CCNF: variants seen among roughly 807,000 people sequenced by gnomAD.
CCNF encodes the protein cyclin F, also known as cyclin-F.
CCNF carries 30 observed loss-of-function variants against 85.4 expected under a neutral mutation model. The ratio of observed to expected loss-of-function variants is 0.35; its 90% CI spans 0.26 to 0.48. CCNF has a LOEUF of 0.48. Ranked by LOEUF, CCNF falls within the 20% of genes least tolerant of loss-of-function variation. The pLI is 0.99. For missense variants in CCNF, 919 were observed against 1,010.4 expected (o/e 0.91, Z 1.23); for synonymous variants, 439 against 425.1 (o/e 1.03, Z -0.40).
At position 2,442,919 on chromosome 16, in the gene CCNF, A is replaced by G. The variant is rs1377084842; in HGVS notation, c.778-730A>G. 6.5e-5 allele frequency among the ~76,000 whole-genome samples: 4 copies of G among 61,550 alleles called. No individual in the cohort carries two copies. The Admixed American group carries it at 9.9e-4, about 15-fold the overall frequency. The allele number at this position is 61,550 out of a possible 152,430, so 40.4% of individuals were successfully genotyped here. On this transcript the variant is annotated intron_variant, in intron 8 of 16. Transcript: ENST00000397066. ...TATATTATATAATATATAAATATAT[A>G]TTAATATATATGATTATTATATATT...
Position 2,449,367 on chromosome 16 carries a change from G to C in CCNF, c.1304G>C (p.Cys435Ser). ...LRTQHLCSFLCELSLLHTSLS... is the reference protein window; with the variant it reads ...LRTQHLCSFLSELSLLHTSLS... ...ACCCAGCACCTGTGCAGCTTCCTCT[G>C]CGAGCTCTCCCTGCTGCACACCAGC... Residue 435 changes from cysteine to serine, a missense_variant, in exon 12 of 17, where the codon TGC (cysteine) becomes TCC (serine). Around this residue, in one of 3 missense-constraint regions of CCNF, gnomAD observed 505 missense variants for 514.8 expected, o/e 0.98. Coordinates refer to ENST00000397066, the MANE Select transcript of CCNF (RefSeq NM_001761.3). 3 of 1,613,440 alleles carry C rather than the reference G, an allele frequency of 1.9e-6. No homozygotes were observed. Among genetic ancestry groups the C allele is most frequent in the Non-Finnish European group, 2.5e-6 (3 of 1,179,972 alleles).
intron 2 of CCNF, among the ~76,000 whole-genome samples, chr16:2,431,980 G>A (rs562639566): frequency 2.0e-5 from 3 of 151,732 alleles, no homozygotes; most frequent in Admixed American, 6.6e-5. Flanking sequence ...ACAGGCACCC[G>A]CCACCACGCC....
intron 9 of CCNF, 107 bp from the exon 10 acceptor site, chr16:2,445,351 A>C: frequency 7.7e-7 from 1 of 1,291,020 alleles, no homozygotes; most frequent in Non-Finnish European, 1.1e-6. Context: ...CCATGATTCC[A>C]GAGCTAGCCA....
intron 12 of CCNF, 32 bp from the exon 13 acceptor site, chr16:2,449,796 C>G: frequency 1.5e-6 from 1 of 682,280 alleles, no homozygotes; most frequent in Non-Finnish European, 2.5e-6. Context: ...TCCCCTCCAT[C>G]CCCTCCACCC....
intron 8 of CCNF, 51 bp from the exon 9 acceptor site, chr16:2,443,598 A>G (rs537427531): frequency 3.1e-6 from 5 of 1,589,828 alleles, no homozygotes; most frequent in Non-Finnish European, 4.3e-6. Flanking sequence ...AGAAATGGAA[A>G]ACTGCAACAT....
rs932267317 is a variant in CCNF at position 2,445,315 on chromosome 16, T to C, written c.930-143T>C. ...CTCCCGGGCTTCCTGTGACATGGCC[T>C]CTCCAGCCTTGGTTCCAGGGTAAAC... On this transcript the variant is annotated intron_variant, in intron 9 of 16. Coordinates refer to ENST00000397066, the MANE Select transcript of CCNF (RefSeq NM_001761.3). 8 of 936,170 alleles carry C rather than the reference T, an allele frequency of 8.5e-6. No individual in the cohort carries two copies. The Admixed American group carries it at 1.3e-4, about 15-fold the overall frequency. 58.0% of individuals were successfully genotyped at this position (936,170 alleles called of 1,614,324 possible). A position where few individuals can be genotyped will look rare whatever the true frequency, so the allele number is the denominator to read the frequency against.
intron 15 of CCNF, among the ~76,000 whole-genome samples, chr16:2,454,054 C>CG (rs2065410639): frequency 6.6e-6 from 1 of 152,214 alleles, no homozygotes; most frequent in Non-Finnish European, 1.5e-5. Context: ...TTCCACAAGG[C>CG]CCCGATGAAC....
rs1596931358 is a variant in CCNF, at chr16:2,453,349, G to A, written c.1587+40G>A. ...CCACCTGGGCGTCTCATGGGGTGCT[G>A]GGGTGTGGGCGGGCCTCACCCTCGG... On this transcript the variant is annotated intron_variant, in intron 14 of 16. Transcript: ENST00000397066. This position sits in a 1 kb window ranked among gnomAD's most constrained non-coding sequence, Gnocchi z 5.6. 6.2e-7 allele frequency: 1 copy of A among 1,613,762 alleles called. No homozygotes were observed. The highest frequency in any genetic ancestry group is 2.2e-5 in the East Asian group (1 of 44,886).
At chr16:2,443,578 C>T (rs2065344297) in intron 8 of CCNF, 71 bp from the exon 9 acceptor site, 4 of 1,524,668 alleles carry the variant, frequency 2.6e-6, no homozygotes, top group South Asian at 1.2e-5. Flanking sequence ...CCTGAATGGG[C>T]CTTTGCTTCA....
At position 2,452,357 on chromosome 16, in the gene CCNF, C is replaced by T. The variant is rs2065399620; in HGVS notation, c.1488-853C>T. On this transcript the variant is annotated intron_variant, in intron 13 of 16. Coordinates refer to ENST00000397066, the MANE Select transcript of CCNF (RefSeq NM_001761.3). The surrounding 1 kb of genome is among the most constrained non-coding windows in gnomAD (Gnocchi z 4.1). ...CTCATGCTGCTTTCTCCTGCAGTGC[C>T]CGGACCCTGTGCCTTCTGGGCAAGG... 6.6e-6 allele frequency among the ~76,000 whole-genome samples: 1 copy of T among 152,166 alleles called. No homozygotes were observed. Among genetic ancestry groups the T allele is most frequent in the Non-Finnish European group, 1.5e-5 (1 of 68,030 alleles).
intron 9 of CCNF, among the ~76,000 whole-genome samples, chr16:2,444,416 C>T (rs577655516): frequency 1.3e-5 from 2 of 149,588 alleles, no homozygotes; most frequent in African/African-American, 4.9e-5. Flanking sequence ...TCTCCTGCCT[C>T]AGCCTCCTCA....
At position 2,452,944 on chromosome 16, in the gene CCNF, G is replaced by C; in HGVS notation, c.1488-266G>C. The C allele has an allele frequency of 1.9e-6, 1 of 522,856 alleles. No homozygotes were observed. The highest frequency in any genetic ancestry group is 3.4e-6 in the Non-Finnish European group (1 of 290,104). The allele number at this position is 522,856 out of a possible 1,614,324, so 32.4% of individuals were successfully genotyped here. A position where few individuals can be genotyped will look rare whatever the true frequency, so the allele number is the denominator to read the frequency against. ...GTGTTTATCCATCCCGCAGCTGGTG[G>C]ACATTTTGCCTATTGTGAACAGTCC... is the stretch of plus-strand genomic sequence containing the variant. On this transcript the variant is annotated intron_variant, in intron 13 of 16. Coordinates refer to ENST00000397066, the MANE Select transcript of CCNF (RefSeq NM_001761.3). The surrounding 1 kb of genome is among the most constrained non-coding windows in gnomAD (Gnocchi z 4.1).
Position 2,455,560 on chromosome 16 carries a change from C to T in CCNF, c.1881C>T (p.Gly627=), listed in dbSNP as rs768465824. The T allele has an allele frequency of 2.1e-5, 33 of 1,592,538 alleles. No individual in the cohort carries two copies. The highest frequency in any genetic ancestry group is 6.7e-5 in the Admixed American group (4 of 59,520). ...AGGAGAGTGAGGGCGAGAAGGAGGG[C>T]GACGGTGAGTGTGGGGCCAGGGTGC... ...GDQESEGEKE[G]DVTAPSGILD... Residue 627 remains glycine, a synonymous_variant, in exon 16 of 17, where the codon GGC becomes GGT. Transcript: ENST00000397066.
rs1332482358 is a variant in CCNF, at chr16:2,439,288, CTG to C, written c.595-63_595-62del. On this transcript the variant is annotated intron_variant, in intron 6 of 16. Coordinates refer to ENST00000397066, the MANE Select transcript of CCNF (RefSeq NM_001761.3). ...ACTCCAACCTGGGCGACGAGTGAAA[CTG>C]TCTCAAAAAATAAAAATGAAAAAGA... 7 of 1,382,210 alleles carry C rather than the reference CTG, an allele frequency of 5.1e-6. No individual in the cohort carries two copies. In the South Asian group the frequency reaches 7.7e-5, roughly 15 times the overall value. The allele number at this position is 1,382,210 out of a possible 1,614,324, so 85.6% of individuals were successfully genotyped here.
Position 2,456,957 on chromosome 16 carries a change from G to T in CCNF, c.2298G>T (p.Lys766Asn). 6.2e-7 allele frequency: 1 copy of T among 1,613,038 alleles called. No homozygotes were observed. ...PESSVPQQQV[K>N]RINLCIHSEE... Reference sequence around the variant, plus strand: ...GCAGTGTTCCCCAGCAACAGGTGAAGCGGATAAACCTATGCATACACAGTG... The same window carrying T: ...GCAGTGTTCCCCAGCAACAGGTGAATCGGATAAACCTATGCATACACAGTG... The change falls in exon 17 of 17, where the codon AAG (lysine) becomes AAT (asparagine). Residue 766 changes from lysine (K) to asparagine (N), a missense_variant. Lys to Asn is a moderately conservative substitution (Grantham distance 94). This residue lies in a region of CCNF where 505 missense variants were observed against 514.8 expected (regional missense o/e 0.98). Coordinates refer to ENST00000397066, the MANE Select transcript of CCNF (RefSeq NM_001761.3). This position sits in a 1 kb window ranked among gnomAD's most constrained non-coding sequence, Gnocchi z 4.5.
Position 2,456,636 on chromosome 16 carries a change from T to TCCA in CCNF, c.1978_1980dup (p.Pro660dup). The TCCA allele has an allele frequency of 6.2e-7, 1 of 1,612,216 alleles. No homozygotes were observed. The highest frequency in any genetic ancestry group is 8.5e-7 in the Non-Finnish European group (1 of 1,179,382). ...AGGAATCCAGTGATGAGGAGGCTTG[T>TCCA]CCAGAGGACAAGGGACCCCAGGACC... On this transcript the variant is annotated inframe_insertion, in exon 17 of 17. Transcript: ENST00000397066. This position sits in a 1 kb window ranked among gnomAD's most constrained non-coding sequence, Gnocchi z 4.5.
At chr16:2,442,414 TATATAATATAATATTATTATATATA>T (rs2065328769) in intron 8 of CCNF, among the ~76,000 whole-genome samples, 1 of 76,816 alleles carries the variant, frequency 1.3e-5, no homozygotes, top group Non-Finnish European at 2.2e-5. Context: ...TATATAATAT[TATATAATATAATATTATTATATATA>T]ATATATAATA....
intron 3 of CCNF, 149 bp downstream of exon 3, chr16:2,433,216 G>A: frequency 1.7e-6 from 1 of 585,632 alleles, no homozygotes. Flanking sequence ...ACTGAGGGTG[G>A]CAGACCTCAC....
chr16:2,439,892 A>C, intron 8 of CCNF, 66 bp downstream of exon 8: 1 of 1,380,852 alleles, frequency 7.2e-7, no homozygotes, highest in Non-Finnish European at 1.0e-6. Context: ...GGGCAGGACT[A>C]TCTGGGCTCC....
Sources: gnomAD v4.1 joint callset for allele counts (sites outside exome capture counted in the v4.1 genomes callset) on GRCh38, gnomAD v4.1.1 for gene constraint, gnomAD v4.1.1 regional missense constraint, Gnocchi (gnomAD v3.1) non-coding constraint, MANE v1.5 for transcripts, NCBI Gene and HGNC (gene_info 2026-07-23, HGNC 2026-07-21) for gene names.